ANO2: variants seen among roughly 807,000 people sequenced by gnomAD.
The protein encoded by ANO2 is anoctamin 2.
Under a neutral mutation model 124.2 loss-of-function variants are expected in ANO2, and 101 were observed. The observed-to-expected ratio is 0.81, with a 90% CI of 0.69 to 0.96. The LOEUF (loss-of-function observed/expected upper bound fraction) is 0.96, where lower values mean the gene tolerates loss of function less well. Ranked by LOEUF, ANO2 falls within the 40% of genes least tolerant of loss-of-function variation. The pLI is 0.00. For synonymous variants in ANO2, 486 were observed against 482.5 expected (o/e 1.01, Z -0.09); for missense variants, 1,293 against 1,274.5 (o/e 1.01, Z -0.22).
At chr12:5,720,136 G>A (rs1006319710) in intron 14 of ANO2, among the ~76,000 whole-genome samples, 1 of 152,292 alleles carries the variant, frequency 6.6e-6, no homozygotes, top group African/African-American at 2.4e-5. Flanking sequence ...GAGCATGGCT[G>A]AGCAGGCTGT....
chr12:5,915,140 T>C (rs1300919402), intron 3 of ANO2, among the ~76,000 whole-genome samples: 1 of 152,232 alleles, frequency 6.6e-6, no homozygotes, highest in Admixed American at 6.5e-5. Flanking sequence ...CCCTCATTTA[T>C]ATGAATTGGT....
rs140619054 is a variant in ANO2, at chr12:5,681,093, C to A, written c.1546-33292G>T. On this transcript the variant is annotated intron_variant, in intron 14 of 24. Coordinates refer to ENST00000682330, the MANE Select transcript of ANO2 (RefSeq NM_001364791.2). ...ACATTGGTTCCTGCCACACAACCTG[C>A]ACACAGGGATTTGCACAGAGCACTG... is the stretch of plus-strand genomic sequence containing the variant. Among the ~76,000 whole-genome samples, 527 of 152,316 alleles carry A rather than the reference C, an allele frequency of 3.5e-3. 1 individual carries two copies. Among genetic ancestry groups the A allele is most frequent in the Non-Finnish European group, 4.4e-3 (302 of 68,028 alleles).
chr12:5,591,495 T>A (rs1021772738), intron 20 of ANO2, among the ~76,000 whole-genome samples: 1 of 152,158 alleles, frequency 6.6e-6, no homozygotes, highest in Admixed American at 6.5e-5. Context: ...TCATGAAAAC[T>A]CAGGGAAGGG....
chr12:5,755,101 CTTTCAT>C (rs1951538462), intron 10 of ANO2, among the ~76,000 whole-genome samples: 1 of 151,848 alleles, frequency 6.6e-6, no homozygotes, highest in Admixed American at 6.6e-5. Context: ...ATATGTTGTG[CTTTCAT>C]TTTCATTTGT....
At chr12:5,690,464 C>T (rs1948881914) in intron 14 of ANO2, among the ~76,000 whole-genome samples, 1 of 152,226 alleles carries the variant, frequency 6.6e-6, no homozygotes, top group Admixed American at 6.5e-5. Context: ...GTTAACACAA[C>T]TTGGCCAGCT....
At chr12:5,840,724 C>G (rs905325902) in intron 4 of ANO2, among the ~76,000 whole-genome samples, 3 of 152,208 alleles carry the variant, frequency 2.0e-5, no homozygotes, top group Non-Finnish European at 2.9e-5. Flanking sequence ...CAGACCAGAC[C>G]TAAGAACAGA....
At chr12:5,656,278 TC>T (rs1240117461) in intron 14 of ANO2, among the ~76,000 whole-genome samples, 9 of 152,210 alleles carry the variant, frequency 5.9e-5, no homozygotes, top group African/African-American at 2.2e-4. Context: ...AACTCATTTG[TC>T]CAACTGCCTA....
At chr12:5,622,927 G>A (rs1459138266) in intron 16 of ANO2, among the ~76,000 whole-genome samples, 4 of 146,896 alleles carry the variant, frequency 2.7e-5, no homozygotes, top group South Asian at 2.1e-4. Context: ...TCGTGCCACC[G>A]CACTCCAGCC....
intron 1 of ANO2, among the ~76,000 whole-genome samples, chr12:5,940,062 A>AATGGATGGATGG (rs200562212): frequency 1.3e-5 from 2 of 151,486 alleles, no homozygotes; most frequent in African/African-American, 4.9e-5. Flanking sequence ...TTTTTAAATC[A>AATGGATGGATGG]ATGGATGGAT....
rs370149561 is a variant in ANO2, at chr12:5,936,130, G to A, written c.22+9066C>T. The stretch of plus-strand genomic sequence containing the variant: ...TTATAAGAGTTATTTCTATATTCCA[G>A]ATATAAGTCCTTTGTCTGATATATG... On this transcript the variant is annotated intron_variant, in intron 1 of 24. Transcript: ENST00000682330. 7.2e-5 allele frequency among the ~76,000 whole-genome samples: 11 copies of A among 152,270 alleles called. No individual in the cohort carries two copies. The East Asian group carries it at 1.5e-3, about 21-fold the overall frequency.
intron 14 of ANO2, among the ~76,000 whole-genome samples, chr12:5,720,903 T>C (rs1409491370): frequency 6.6e-6 from 1 of 152,230 alleles, no homozygotes; most frequent in African/African-American, 2.4e-5. Flanking sequence ...GAACTCCTGA[T>C]GCTAAGAATC....
At chr12:5,648,471 G>A (rs750556561) in intron 14 of ANO2, among the ~76,000 whole-genome samples, 2 of 152,066 alleles carry the variant, frequency 1.3e-5, no homozygotes, top group Non-Finnish European at 2.9e-5. Flanking sequence ...TTTTCCCCTC[G>A]GACTGGGTCC....
At chr12:5,585,819 C>T (rs754761358) in intron 20 of ANO2, among the ~76,000 whole-genome samples, 1 of 152,178 alleles carries the variant, frequency 6.6e-6, no homozygotes, top group Non-Finnish European at 1.5e-5. Context: ...TACTGAGGAC[C>T]TTTCTTTGCT....
intron 3 of ANO2, among the ~76,000 whole-genome samples, chr12:5,919,822 C>T (rs1001857368): frequency 2.0e-5 from 3 of 152,104 alleles, no homozygotes; most frequent in Admixed American, 1.3e-4. Context: ...CTCAGCCTCC[C>T]GAGTAGCTGG....
chr12:5,936,102 G>A (rs1352767084), intron 1 of ANO2, among the ~76,000 whole-genome samples: 1 of 152,094 alleles, frequency 6.6e-6, no homozygotes, highest in Non-Finnish European at 1.5e-5. Flanking sequence ...TTTTATTGTT[G>A]AGTTATAAGA....
At chr12:5,898,264 G>A (rs1186083505) in intron 3 of ANO2, among the ~76,000 whole-genome samples, 2 of 152,230 alleles carry the variant, frequency 1.3e-5, no homozygotes, top group African/African-American at 4.8e-5. Context: ...GTAGGATGTA[G>A]GGAAACTGGA....
chr12:5,679,225 A>G (rs993972287), intron 14 of ANO2, among the ~76,000 whole-genome samples: 1 of 152,248 alleles, frequency 6.6e-6, no homozygotes, highest in Non-Finnish European at 1.5e-5. Flanking sequence ...ACACAGACAC[A>G]AACAAAGATT....
chr12:5,653,108 C>A (rs1946988279), intron 14 of ANO2, among the ~76,000 whole-genome samples: 1 of 152,178 alleles, frequency 6.6e-6, no homozygotes, highest in African/African-American at 2.4e-5. Flanking sequence ...CGATAAATGC[C>A]AAGTGGCCAG....
At chr12:5,600,583 C>T (rs1943893767) in intron 19 of ANO2, among the ~76,000 whole-genome samples, 1 of 152,138 alleles carries the variant, frequency 6.6e-6, no homozygotes. Flanking sequence ...ATAGATGATA[C>T]CTGTTATTAT....
Sources: gnomAD v4.1 joint callset for allele counts (sites outside exome capture counted in the v4.1 genomes callset) on GRCh38, gnomAD v4.1.1 for gene constraint, MANE v1.5 for transcripts, NCBI Gene and HGNC (gene_info 2026-07-23, HGNC 2026-07-21) for gene names.